Variants in SETD4 observed in about 807,000 individuals in gnomAD.
The protein encoded by SETD4 is SET domain containing 4.
In SETD4, 46 loss-of-function variants were observed where a neutral mutation model predicts 58.3. The observed-to-expected ratio is 0.79, with a 90% CI of 0.62 to 1.01. The LOEUF is 1.01. SETD4 is among the 50% of genes least tolerant of loss of function. The pLI is 0.00. For missense variants in SETD4, 490 were observed against 523.3 expected (o/e 0.94, Z 0.62); for synonymous variants, 190 against 202.6 (o/e 0.94, Z 0.53).
chr21:36,048,536 C>A, intron 4 of SETD4, 140 bp from the exon 5 acceptor site: 1 of 728,776 alleles, frequency 1.4e-6, no homozygotes, highest in East Asian at 2.5e-5. Flanking sequence ...ATGAGCCTAC[C>A]AATGGAGTCG....
intron 9 of SETD4, among the ~76,000 whole-genome samples, chr21:36,040,241 C>T (rs1161444502): frequency 2.0e-5 from 3 of 152,008 alleles, no homozygotes; most frequent in Non-Finnish European, 4.4e-5. Flanking sequence ...CTGGGCAAAA[C>T]CTACCTACTC....
At chr21:36,041,913 C>T in intron 7 of SETD4, 25 bp from the exon 8 acceptor site, 16 of 1,198,256 alleles carry the variant, frequency 1.3e-5, no homozygotes, top group Non-Finnish European at 1.7e-5. Flanking sequence ...AAAAATCAGA[C>T]TGTTAGGGCA....
intron 4 of SETD4, among the ~76,000 whole-genome samples, chr21:36,052,412 C>G (rs2064752586): frequency 6.7e-6 from 1 of 148,618 alleles, no homozygotes; most frequent in African/African-American, 2.5e-5. Context: ...AAAAAATTAG[C>G]TGGGCATGGT....
chr21:36,039,801 T>C (rs2063957946), intron 9 of SETD4, among the ~76,000 whole-genome samples: 1 of 152,220 alleles, frequency 6.6e-6, no homozygotes, highest in Non-Finnish European at 1.5e-5. Context: ...CAAAAGTTCC[T>C]AGAGAAAAAG....
intron 9 of SETD4, among the ~76,000 whole-genome samples, chr21:36,040,163 C>T (rs921776974): frequency 2.0e-5 from 3 of 152,224 alleles, no homozygotes; most frequent in African/African-American, 7.2e-5. Context: ...AAAAGTCCAG[C>T]TCTTCAGCCA....
chr21:36,039,233 C>T (rs1164738005), intron 9 of SETD4, among the ~76,000 whole-genome samples: 3 of 151,634 alleles, frequency 2.0e-5, no homozygotes, highest in Admixed American at 2.0e-4. Flanking sequence ...CACGATAATC[C>T]GCATGCTAGA....
rs2065235606 is a variant in SETD4 at position 36,060,412 on chromosome 21, C to T, written c.-102G>A. On this transcript the variant is annotated 5_prime_UTR_variant, in exon 1 of 12. Coordinates refer to ENST00000332131, the MANE Select transcript of SETD4 (RefSeq NM_017438.5). ...GGCGGGCCCAAGGCACGTGGAAATA[C>T]CAAACAGCCCCAGATGAAGGCAAGT... is the stretch of plus-strand genomic sequence containing the variant. 1 of 152,472 alleles carries T rather than the reference C, an allele frequency of 6.6e-6. No individual in the cohort carries two copies. The highest frequency in any genetic ancestry group is 1.5e-5 in the Non-Finnish European group (1 of 68,266). 9.4% of individuals were successfully genotyped at this position (152,472 alleles called of 1,614,324 possible).
At chr21:36,042,001 C>T (rs1033120484) in intron 7 of SETD4, 113 bp from the exon 8 acceptor site, 95 of 574,262 alleles carry the variant, frequency 1.7e-4, no homozygotes, top group African/African-American at 1.6e-3. Flanking sequence ...CATGCATAAA[C>T]AGTTCCACCT....
intron 3 of SETD4, among the ~76,000 whole-genome samples, chr21:36,056,656 T>A (rs2065000659): frequency 6.6e-6 from 1 of 152,168 alleles, no homozygotes; most frequent in Non-Finnish European, 1.5e-5. Flanking sequence ...CCTCCCGGGC[T>A]CAAGCAATCC....
intron 3 of SETD4, among the ~76,000 whole-genome samples, chr21:36,056,746 C>G (rs2065006122): frequency 6.6e-6 from 1 of 152,004 alleles, no homozygotes; most frequent in Non-Finnish European, 1.5e-5. Context: ...TTAGTAGAGA[C>G]AGGATGTTGT....
chr21:36,057,431 G>A (rs1359184508), intron 2 of SETD4: 2 of 688,702 alleles, frequency 2.9e-6, no homozygotes, highest in African/African-American at 3.6e-5. Context: ...GACTGCTTGA[G>A]GCCAGGAGTT....
rs2065026806 is a variant in SETD4, at chr21:36,057,177, A to G, written c.101T>C (p.Ile34Thr). Residue 34 changes from isoleucine (I) to threonine (T), a missense_variant, in exon 3 of 12, where the codon ATA becomes ACA. Ile to Thr is a moderately conservative substitution (Grantham distance 89, BLOSUM62 -1). Coordinates refer to ENST00000332131, the MANE Select transcript of SETD4 (RefSeq NM_017438.5). ...AGCTTTCAGCCACTTCCTCAGCTCT[A>G]TAAATTCAGACTTGTGGCTCTCATT... ...GVNESHKSEFIELRKWLKARK... is the reference protein window; with the variant it reads ...GVNESHKSEFTELRKWLKARK... 1.9e-6 allele frequency: 3 copies of G among 1,614,104 alleles called. No individual in the cohort carries two copies. The highest frequency in any genetic ancestry group is 1.7e-6 in the Non-Finnish European group (2 of 1,180,034).
At chr21:36,041,117 G>A (rs972933469) in intron 8 of SETD4, among the ~76,000 whole-genome samples, 10 of 126,362 alleles carry the variant, frequency 7.9e-5, no homozygotes, top group Middle Eastern at 5.6e-3. Flanking sequence ...CTGAGATTGC[G>A]CCACTGCACT....
At chr21:36,054,933 G>A (rs2064909688) in intron 3 of SETD4, among the ~76,000 whole-genome samples, 1 of 151,550 alleles carries the variant, frequency 6.6e-6, no homozygotes, top group Admixed American at 6.6e-5. Context: ...CCTGGCTCAT[G>A]GTGGGAATTC....
intron 9 of SETD4, among the ~76,000 whole-genome samples, chr21:36,040,022 C>T (rs2063969455): frequency 6.6e-6 from 1 of 152,268 alleles, no homozygotes; most frequent in South Asian, 2.1e-4. Context: ...TGCCCCTACA[C>T]TGGGTACAGC....
Position 36,035,911 on chromosome 21 carries a change from C to G in SETD4, c.*82G>C. 1.6e-6 allele frequency: 1 copy of G among 611,690 alleles called. No homozygotes were observed. Among genetic ancestry groups the G allele is most frequent in the Non-Finnish European group, 2.8e-6 (1 of 357,882 alleles). The allele number at this position is 611,690 out of a possible 1,614,324, so 37.9% of individuals were successfully genotyped here. ...GCAGAAATCCTGCATGTCCTGGGGG[C>G]AGCCACCACCCCAGCCCATGATGAT... On this transcript the variant is annotated 3_prime_UTR_variant, in exon 12 of 12. Transcript: ENST00000332131.
intron 5 of SETD4, among the ~76,000 whole-genome samples, chr21:36,046,316 G>A (rs995399944): frequency 7.9e-5 from 12 of 152,090 alleles, no homozygotes; most frequent in Non-Finnish European, 1.8e-4. Context: ...TTCCAACTTG[G>A]TTCTCCAGTT....
intron 6 of SETD4, among the ~76,000 whole-genome samples, chr21:36,044,591 C>T (rs1224994565): frequency 1.3e-5 from 2 of 152,240 alleles, no homozygotes; most frequent in Non-Finnish European, 2.9e-5. Context: ...ACCACAGAAA[C>T]ACTCACCTAA....
chr21:36,050,455 C>A (rs1256583675), intron 4 of SETD4: 2 of 1,614,096 alleles, frequency 1.2e-6, no homozygotes, highest in Non-Finnish European at 1.7e-6. Flanking sequence ...AGAGTACCAA[C>A]CCCTTGGGTG....
Sources: gnomAD v4.1 joint callset for allele counts (sites outside exome capture counted in the v4.1 genomes callset) on GRCh38, gnomAD v4.1.1 for gene constraint, MANE v1.5 for transcripts, NCBI Gene and HGNC (gene_info 2026-07-23, HGNC 2026-07-21) for gene names.